The following MEGF6 variants were observed in gnomAD, a reference collection of about 807,000 sequenced individuals.
MEGF6 encodes multiple epidermal growth factor-like domains protein 6.
In MEGF6, 184 loss-of-function variants were observed where a neutral mutation model predicts 207.1. The observed-to-expected ratio is 0.89, with a 90% CI of 0.79 to 1.00. MEGF6 has a LOEUF of 1.00. Ranked by LOEUF, MEGF6 falls within the 50% of genes least tolerant of loss-of-function variation. The pLI is 0.00. For missense variants in MEGF6, 2,282 were observed against 2,202.9 expected (o/e 1.04, Z -0.72); for synonymous variants, 1,038 against 910.0 (o/e 1.14, Z -2.53).
intron 2 of MEGF6, among the ~76,000 whole-genome samples, chr1:3,599,489 G>A (rs976776786): frequency 1.3e-5 from 2 of 152,232 alleles, no homozygotes; most frequent in Admixed American, 6.5e-5. Flanking sequence ...CAAGCCCTCG[G>A]GGACACTGTC....
intron 3 of MEGF6, among the ~76,000 whole-genome samples, chr1:3,580,520 G>A (rs565270313): frequency 1.3e-5 from 2 of 152,176 alleles, no homozygotes; most frequent in East Asian, 1.9e-4. Flanking sequence ...GAGGGTGGAG[G>A]AGGCCACAGC....
chr1:3,592,131 A>G (rs1056160207), intron 3 of MEGF6, among the ~76,000 whole-genome samples: 30 of 152,224 alleles, frequency 2.0e-4, no homozygotes, highest in African/African-American at 6.7e-4. Context: ...CAGCCCAACA[A>G]CCTCACACAG....
chr1:3,621,266 G>GCCACTAGACCACGGT, the MEGF6 span, among the ~76,000 whole-genome samples: 1 of 152,334 alleles, frequency 6.6e-6, no homozygotes, highest in East Asian at 1.9e-4. Context: ...CACTGACGCT[G>GCCACTAGACCACGGT]CCACTAGACC....
At chr1:3,528,290 C>T (rs1373024258) in intron 4 of MEGF6, among the ~76,000 whole-genome samples, 3 of 152,216 alleles carry the variant, frequency 2.0e-5, no homozygotes, top group Non-Finnish European at 4.4e-5. Context: ...GAACGCGTCA[C>T]CCAAACCCTC....
At chr1:3,500,517 C>A in intron 21 of MEGF6, 116 bp downstream of exon 21, 1 of 1,396,994 alleles carries the variant, frequency 7.2e-7, no homozygotes, top group Non-Finnish European at 9.5e-7. Flanking sequence ...CCAAAGGCTT[C>A]GTGTGTGTGC....
chr1:3,544,281 C>G (rs1570103093), intron 4 of MEGF6, among the ~76,000 whole-genome samples: 1 of 152,004 alleles, frequency 6.6e-6, no homozygotes, highest in African/African-American at 2.4e-5. Context: ...CTCAGCATCA[C>G]AGCAGCCAGC....
intron 4 of MEGF6, among the ~76,000 whole-genome samples, chr1:3,561,163 G>A (rs1450901147): frequency 6.6e-6 from 1 of 152,214 alleles, no homozygotes; most frequent in Non-Finnish European, 1.5e-5. Context: ...ACGCAGACCT[G>A]AGGCTGATGG....
rs947134452 is a variant in MEGF6 at position 3,505,429 on chromosome 1, A to G, written c.2046T>C (p.Cys682=). The change falls in exon 16 of 37, where the codon TGT becomes TGC. Residue 682 remains cysteine, a synonymous_variant. Coordinates refer to ENST00000356575, the MANE Select transcript of MEGF6 (RefSeq NM_001409.4). ...CCCCATGCCTGGACTCACCTGCCTG[A>G]CAGCGCTCGCCCCGGAAGCCAGCCT... is the stretch of plus-strand genomic sequence containing the variant. ...SCKAGFRGER[C]QAECELGYFG... 4.4e-6 allele frequency: 7 copies of G among 1,587,480 alleles called. No individual in the cohort carries two copies. Among genetic ancestry groups the G allele is most frequent in the African/African-American group, 1.4e-5 (1 of 72,250 alleles).
intron 2 of MEGF6, among the ~76,000 whole-genome samples, chr1:3,601,168 C>A (rs1018273922): frequency 5.9e-5 from 9 of 152,340 alleles, no homozygotes; most frequent in Admixed American, 5.9e-4. Context: ...AGAAATCATG[C>A]CCCCATAGCG....
At chr1:3,579,054 C>T (rs1304698694) in intron 4 of MEGF6, among the ~76,000 whole-genome samples, 1 of 152,260 alleles carries the variant, frequency 6.6e-6, no homozygotes, top group Non-Finnish European at 1.5e-5. Context: ...CCCCGGTGGC[C>T]ACCACACGAG....
At chr1:3,553,210 C>G (rs1271114908) in intron 4 of MEGF6, among the ~76,000 whole-genome samples, 1 of 151,574 alleles carries the variant, frequency 6.6e-6, no homozygotes, top group Non-Finnish European at 1.5e-5. Flanking sequence ...TGGCTCCAGC[C>G]TGAGGATGGG....
chr1:3,501,156 G>A lies in MEGF6; in HGVS notation c.2446+21C>T, dbSNP rs139665862. 2.8e-4 allele frequency: 459 copies of A among 1,612,606 alleles called. 2 individuals carry two copies. In the East Asian group the frequency reaches 9.5e-3, roughly 33 times the overall value. ...CACCTACCCCAGGTCAAAGGCTCAG[G>A]GGCAGCTCCAGCTCACTCACCGTCC... On this transcript the variant is annotated intron_variant, in intron 19 of 36. Transcript: ENST00000356575.
In MEGF6 at chr1:3,494,807, TC is replaced by T. The variant is rs1640533549; in HGVS notation, c.3872-67del. ...GGGCTGGGCTCCCTCTGGGGATATG[TC>T]CCCACAGGCTGACAGTCACTCGGTA... On this transcript the variant is annotated intron_variant, in intron 30 of 36. Transcript: ENST00000356575. 2.7e-6 allele frequency: 4 copies of T among 1,472,554 alleles called. 1 individual carries two copies. The South Asian group carries it at 5.6e-5, about 20-fold the overall frequency. The allele number at this position is 1,472,554 out of a possible 1,614,324, so 91.2% of individuals were successfully genotyped here. A position where few individuals can be genotyped will look rare whatever the true frequency, so the allele number is the denominator to read the frequency against.
intron 34 of MEGF6, 98 bp downstream of exon 34, chr1:3,493,673 C>T: frequency 6.7e-7 from 1 of 1,492,412 alleles, no homozygotes; most frequent in Non-Finnish European, 9.0e-7. Flanking sequence ...GGGTTGGTGG[C>T]CAGCCCAGGA....
chr1:3,546,750 G>C (rs12736330), intron 4 of MEGF6, among the ~76,000 whole-genome samples: 2 of 146,704 alleles, frequency 1.4e-5, no homozygotes, highest in South Asian at 2.2e-4. Flanking sequence ...GGGAAGGAGG[G>C]TGCCAGGGAG....
In MEGF6 at chr1:3,593,791, T is replaced by A. The variant is rs186091742; in HGVS notation, c.376+1547A>T. Reference sequence around the variant, plus strand: ...ACAGCTCAGGTGCCATCAGCAACAGTGGGGGCTGGGACCCCCTCCGAGGGG... The same window carrying A: ...ACAGCTCAGGTGCCATCAGCAACAGAGGGGGCTGGGACCCCCTCCGAGGGG... On this transcript the variant is annotated intron_variant, in intron 3 of 36. Coordinates refer to ENST00000356575, the MANE Select transcript of MEGF6 (RefSeq NM_001409.4). 5.5e-3 allele frequency among the ~76,000 whole-genome samples: 835 copies of A among 152,094 alleles called. 8 individuals are homozygous for A. The highest frequency in any genetic ancestry group is 0.014 in the Middle Eastern group (4 of 292).
At chr1:3,574,783 G>C (rs965186416) in intron 4 of MEGF6, among the ~76,000 whole-genome samples, 1 of 152,128 alleles carries the variant, frequency 6.6e-6, no homozygotes, top group Non-Finnish European at 1.5e-5. Flanking sequence ...GCTGGAATTA[G>C]AGGCGCCCGC....
Position 3,498,402 on chromosome 1 carries a change from T to G in MEGF6, c.3321A>C (p.Pro1107=). 1 of 1,600,240 alleles carries G rather than the reference T, an allele frequency of 6.2e-7. No homozygotes were observed. The change falls in exon 26 of 37, where the codon CCA becomes CCC. Residue 1107 remains proline, a synonymous_variant. Coordinates refer to ENST00000356575, the MANE Select transcript of MEGF6 (RefSeq NM_001409.4). ...GACACTTGTCCCCAGTCCAGCCGGC[T>G]GGGCAGAGGCAGCGGCCCGTGTGCG... ...CDPHTGRCLC[P]AGWTGDKCQS... is the part of the protein sequence containing the mutation.
Position 3,496,597 on chromosome 1 carries a change from G to C in MEGF6, c.3742+58C>G. 4 of 1,550,960 alleles carry C rather than the reference G, an allele frequency of 2.6e-6. No individual in the cohort carries two copies. In the South Asian group the frequency reaches 3.6e-5, roughly 14 times the overall value. On this transcript the variant is annotated intron_variant, in intron 29 of 36. Coordinates refer to ENST00000356575, the MANE Select transcript of MEGF6 (RefSeq NM_001409.4). ...GGGGCCATCCTCCTGCAGGCTGGCT[G>C]GCCCTACCCTGGAGACACAGGAGGC... is the stretch of plus-strand genomic sequence containing the variant.
Sources: allele counts gnomAD v4.1 joint callset (sites outside exome capture counted in the v4.1 genomes callset), GRCh38; gene constraint gnomAD v4.1.1; transcripts MANE v1.5; gene names NCBI Gene and HGNC (gene_info 2026-07-23, HGNC 2026-07-21).